ZFAND6: variants seen among roughly 807,000 people sequenced by gnomAD.
ZFAND6 encodes AN1-type zinc finger protein 6.
ZFAND6 carries 12 observed loss-of-function variants against 24.5 expected under a neutral mutation model. The observed-to-expected ratio is 0.49, with a 90% confidence interval of 0.31 to 0.79. The LOEUF is 0.79. Among genes scored for constraint, ZFAND6 ranks in the 30% least tolerant of loss-of-function variants. ZFAND6 has a pLI of 0.04. For missense variants in ZFAND6, 207 were observed against 245.9 expected, an observed-to-expected ratio of 0.84 and a Z score of 1.06; for synonymous variants, 92 against 81.5, an observed-to-expected ratio of 1.13 and a Z score of -0.69.
At chr15:80,122,980 C>G in intron 5 of ZFAND6, 180 bp downstream of exon 5, 1 of 507,424 alleles carries the variant, frequency 2.0e-6, no homozygotes, top group East Asian at 3.2e-5. Flanking sequence ...TTCACACTTA[C>G]ATGTAATTTT....
intron 2 of ZFAND6, among the ~76,000 whole-genome samples, chr15:80,108,328 G>A (rs2039440477): frequency 1.3e-5 from 2 of 152,118 alleles, no homozygotes; most frequent in Admixed American, 6.5e-5. Context: ...TGGAGGGGTT[G>A]GGGGGAAGTA....
chr15:80,131,462 C>A (rs748749798), intron 6 of ZFAND6, 169 bp downstream of exon 6: 49 of 508,604 alleles, frequency 9.6e-5, no homozygotes, highest in Non-Finnish European at 1.6e-4. Flanking sequence ...TGATTATACA[C>A]CTAAAAGTGA....
chr15:80,075,272 G>A (rs1000950488), intron 1 of ZFAND6: 16 of 219,442 alleles, frequency 7.3e-5, no homozygotes, highest in Admixed American at 1.2e-4. Context: ...TTTGATTGTC[G>A]TCTTAATAAA....
At chr15:80,117,029 G>A (rs1030326623) in intron 2 of ZFAND6, among the ~76,000 whole-genome samples, 3 of 152,134 alleles carry the variant, frequency 2.0e-5, no homozygotes, top group Non-Finnish European at 4.4e-5. Context: ...GTCTTAGGAT[G>A]ATATTTCAAA....
chr15:80,095,092 T>C (rs947614107), intron 1 of ZFAND6, among the ~76,000 whole-genome samples: 14 of 152,142 alleles, frequency 9.2e-5, no homozygotes, highest in South Asian at 2.1e-4. Flanking sequence ...TTTTTTTTCC[T>C]GTCCAGAATC....
At chr15:80,107,484 T>A (rs973207595) in intron 2 of ZFAND6, among the ~76,000 whole-genome samples, 1 of 152,186 alleles carries the variant, frequency 6.6e-6, no homozygotes. Context: ...ACACTGCCAA[T>A]GCAAATGTCA....
At chr15:80,134,686 T>C (rs2040775584) in intron 6 of ZFAND6, among the ~76,000 whole-genome samples, 1 of 152,158 alleles carries the variant, frequency 6.6e-6, no homozygotes, top group African/African-American at 2.4e-5. Flanking sequence ...ATAGGGATCT[T>C]GGAGATATTC....
In ZFAND6 at chr15:80,137,533, G is replaced by A. The variant is rs141077255; in HGVS notation, c.532G>A (p.Val178Ile). The part of the protein sequence containing the change: ...VYCGVHRYSD[V>I]HNCSYNYKAD... ...CTGTGGTGTACACCGTTACTCAGAT[G>A]TACACAATTGCTCTTACAATTACAA... Residue 178 changes from valine (V) to isoleucine (I), a missense_variant, in exon 7 of 7, where the codon GTA becomes ATA. Transcript: ENST00000261749. 41 of 1,607,610 alleles carry A rather than the reference G, an allele frequency of 2.6e-5. No individual in the cohort carries two copies. The African/African-American group carries it at 5.0e-4, about 19-fold the overall frequency.
intron 2 of ZFAND6, among the ~76,000 whole-genome samples, chr15:80,106,029 GTATT>G (rs2039306894): frequency 6.6e-6 from 1 of 152,158 alleles, no homozygotes; most frequent in South Asian, 2.1e-4. Flanking sequence ...TCAGACATTA[GTATT>G]TCTGTTCTTG....
At chr15:80,101,689 A>G (rs1431010602) in intron 2 of ZFAND6, among the ~76,000 whole-genome samples, 1 of 152,076 alleles carries the variant, frequency 6.6e-6, no homozygotes, top group Admixed American at 6.6e-5. Context: ...TGGTTCTTGT[A>G]TCAGATATAA....
chr15:80,117,056 A>G (rs562008553), intron 2 of ZFAND6, among the ~76,000 whole-genome samples: 2 of 152,334 alleles, frequency 1.3e-5, no homozygotes, highest in South Asian at 2.1e-4. Context: ...TATAGTAGCA[A>G]CTAATCACAT....
intron 5 of ZFAND6, among the ~76,000 whole-genome samples, chr15:80,124,448 T>G (rs2040286937): frequency 1.3e-5 from 2 of 152,070 alleles, no homozygotes; most frequent in East Asian, 1.9e-4. Context: ...AAAAAAAAAT[T>G]TAGAATGTTG....
At chr15:80,130,940 A>C in intron 5 of ZFAND6, 1 of 393,258 alleles carries the variant, frequency 2.5e-6, no homozygotes, top group Non-Finnish European at 4.5e-6. Flanking sequence ...ACCTAAAGAA[A>C]GTCTATAAAA....
chr15:80,091,159 G>GT lies in ZFAND6; in HGVS notation c.-180-7257_-180-7256insT, dbSNP rs1421768903. On this transcript the variant is annotated intron_variant, in intron 1 of 6. Coordinates refer to ENST00000261749, the MANE Select transcript of ZFAND6 (RefSeq NM_019006.4). ...TCATATTTTCTATTTAGTTGTTAAG[G>GT]GGTGTGTGTGTGTGTGTGTGTGTGT... is the stretch of plus-strand genomic sequence containing the variant. Among the ~76,000 whole-genome samples, 549 of 114,332 alleles carry GT rather than the reference G, an allele frequency of 4.8e-3. 5 individuals carry two copies. The highest frequency in any genetic ancestry group is 0.017 in the African/African-American group (510 of 30,116). The allele number at this position is 114,332 out of a possible 152,430, so 75.0% of individuals were successfully genotyped here. A position where few individuals can be genotyped will look rare whatever the true frequency, so the allele number is the denominator to read the frequency against.
chr15:80,115,722 C>G (rs887260513), intron 2 of ZFAND6, among the ~76,000 whole-genome samples: 1 of 151,548 alleles, frequency 6.6e-6, no homozygotes, highest in Non-Finnish European at 1.5e-5. Context: ...TGTGAGAAAC[C>G]CTTTGTGCCT....
At chr15:80,100,685 C>T (rs575370671) in intron 2 of ZFAND6, among the ~76,000 whole-genome samples, 12 of 152,260 alleles carry the variant, frequency 7.9e-5, no homozygotes, top group African/African-American at 1.7e-4. Context: ...TGATCCTGTA[C>T]GAAATTCTGT....
intron 1 of ZFAND6, among the ~76,000 whole-genome samples, chr15:80,062,417 C>T (rs2036384920): frequency 6.6e-6 from 1 of 152,116 alleles, no homozygotes; most frequent in Non-Finnish European, 1.5e-5. Flanking sequence ...TTAGAGAATG[C>T]CCACAAGGTG....
At chr15:80,065,522 T>A in intron 1 of ZFAND6, among the ~76,000 whole-genome samples, 1 of 148,384 alleles carries the variant, frequency 6.7e-6, no homozygotes, top group African/African-American at 2.5e-5. Flanking sequence ...GGGCTTCAAA[T>A]TAGTTTTGGT....
At chr15:80,089,705 A>C (rs1370665711) in intron 1 of ZFAND6, among the ~76,000 whole-genome samples, 1 of 152,108 alleles carries the variant, frequency 6.6e-6, no homozygotes, top group East Asian at 1.9e-4. Context: ...CTTTCCTTGT[A>C]ATACTGCCTG....
Sources: allele counts gnomAD v4.1 joint callset (sites outside exome capture counted in the v4.1 genomes callset), GRCh38; gene constraint gnomAD v4.1.1; transcripts MANE v1.5; gene names NCBI Gene and HGNC (gene_info 2026-07-23, HGNC 2026-07-21).